Variants in NRXN3 observed in about 807,000 individuals in gnomAD.
NRXN3 encodes neurexin 3, also known as neurexin III.
A neutral mutation model predicts 137.6 loss-of-function variants in NRXN3; 32 were observed. The ratio of observed to expected loss-of-function variants is 0.23; its 90% CI spans 0.18 to 0.31. The LOEUF is 0.31. NRXN3 is among the 10% of genes least tolerant of loss of function. NRXN3 has a pLI of 1.00. For missense variants in NRXN3, 1,574 were observed against 2,062.5 expected, an observed-to-expected ratio of 0.76 and a Z score of 4.59; for synonymous variants, 798 against 784.5, an observed-to-expected ratio of 1.02 and a Z score of -0.29.
At chr14:79,656,569 G>T (rs1895354914) in intron 16 of NRXN3, among the ~76,000 whole-genome samples, 2 of 151,062 alleles carry the variant, frequency 1.3e-5, no homozygotes, top group Non-Finnish European at 2.9e-5. Context: ...GCCTTTTCAG[G>T]TCATGGTTCC....
chr14:78,828,932 C>T (rs1274958861), intron 10 of NRXN3, among the ~76,000 whole-genome samples: 39 of 152,118 alleles, frequency 2.6e-4, no homozygotes, highest in Admixed American at 2.4e-3. Flanking sequence ...TTAGATAAAA[C>T]TGCCCTGGAA....
At position 78,243,849 on chromosome 14, in the gene NRXN3, T is replaced by G; in HGVS notation, c.709+47T>G. 7.0e-7 allele frequency: 1 copy of G among 1,424,186 alleles called. No individual in the cohort carries two copies. The allele number at this position is 1,424,186 out of a possible 1,614,324, so 88.2% of individuals were successfully genotyped here. A position where few individuals can be genotyped will look rare whatever the true frequency, so the allele number is the denominator to read the frequency against. On this transcript the variant is annotated intron_variant, in intron 2 of 20. Coordinates refer to ENST00000335750, the MANE Select transcript of NRXN3 (RefSeq NM_001330195.2). The surrounding 1 kb of genome is among the most constrained non-coding windows in gnomAD (Gnocchi z 4.2). The stretch of plus-strand genomic sequence containing the variant: ...GCTAGAGACCCACCCACGGGATGGC[T>G]GAGGCTGGGGCTCCTGATACAAACC...
chr14:78,715,307 G>A (rs2098426245), intron 8 of NRXN3, among the ~76,000 whole-genome samples, 168 bp downstream of exon 8: 1 of 152,144 alleles, frequency 6.6e-6, no homozygotes, highest in South Asian at 2.1e-4. Context: ...GAATGCTTGG[G>A]TTTGTTTGGC....
At chr14:78,931,555 A>T (rs547316848) in intron 10 of NRXN3, among the ~76,000 whole-genome samples, 1 of 152,266 alleles carries the variant, frequency 6.6e-6, no homozygotes, top group East Asian at 1.9e-4. Flanking sequence ...TGCCATGGGT[A>T]TTAATAGTCC....
intron 8 of NRXN3, among the ~76,000 whole-genome samples, chr14:78,726,100 A>T (rs1024559970): frequency 6.6e-6 from 1 of 152,180 alleles, no homozygotes; most frequent in Non-Finnish European, 1.5e-5. Context: ...TGAAGCAGCC[A>T]TTCCATTTTT....
chr14:79,194,575 AT>A (rs2064882365), intron 15 of NRXN3, among the ~76,000 whole-genome samples: 1 of 152,220 alleles, frequency 6.6e-6, no homozygotes, highest in African/African-American at 2.4e-5. Flanking sequence ...CCTTCAGAGG[AT>A]TCCCCCAGAA....
chr14:78,434,779 T>C (rs917905), intron 4 of NRXN3, among the ~76,000 whole-genome samples: 2,738 of 152,208 alleles, frequency 0.018, 46 homozygotes, highest in Non-Finnish European at 0.027. Context: ...GTGAAGGCCA[T>C]GATCAATGGG....
In NRXN3 at chr14:79,111,728, T is replaced by A. The variant is rs1425237272; in HGVS notation, c.3262+123587T>A. 2.9e-5 allele frequency among the ~76,000 whole-genome samples: 4 copies of A among 138,596 alleles called. No individual in the cohort carries two copies. In the South Asian group the frequency reaches 8.8e-4, roughly 30 times the overall value. The allele number at this position is 138,596 out of a possible 152,430, so 90.9% of individuals were successfully genotyped here. ...ACTCCAGCCTGGGTGATAGAGAGAC[T>A]CCATCTCAAAAAAAAAAAAAAAAGT... On this transcript the variant is annotated intron_variant, in intron 15 of 20. Coordinates refer to ENST00000335750, the MANE Select transcript of NRXN3 (RefSeq NM_001330195.2).
intron 15 of NRXN3, among the ~76,000 whole-genome samples, chr14:79,226,551 C>T (rs2070896664): frequency 6.6e-6 from 1 of 152,090 alleles, no homozygotes; most frequent in African/African-American, 2.4e-5. Flanking sequence ...TGCCTAATTC[C>T]ATCCACTTAT....
intron 11 of NRXN3, among the ~76,000 whole-genome samples, chr14:78,963,770 T>G (rs17758014): frequency 0.075 from 11,410 of 152,216 alleles, 659 homozygotes; most frequent in Admixed American, 0.1. Flanking sequence ...ATTTTTGTGC[T>G]TATAGGGAAT....
intron 4 of NRXN3, among the ~76,000 whole-genome samples, chr14:78,480,986 T>C (rs192890142): frequency 1.3e-5 from 2 of 152,314 alleles, no homozygotes; most frequent in East Asian, 3.9e-4. Flanking sequence ...TCTGTGGCCA[T>C]TTCAGTGGGC....
chr14:79,149,326 A>ATTTT (rs556091046), intron 15 of NRXN3, among the ~76,000 whole-genome samples: 2 of 144,256 alleles, frequency 1.4e-5, no homozygotes, highest in African/African-American at 5.0e-5. Flanking sequence ...GGATAGGGGG[A>ATTTT]TTTTTTTTTT....
At chr14:78,958,155 T>C (rs1443607935) in intron 11 of NRXN3, among the ~76,000 whole-genome samples, 1 of 152,134 alleles carries the variant, frequency 6.6e-6, no homozygotes, top group Middle Eastern at 3.4e-3. Context: ...AAATATATAA[T>C]GAGATTCTAA....
intron 15 of NRXN3, among the ~76,000 whole-genome samples, chr14:79,155,097 T>C (rs1372680085): frequency 6.6e-6 from 1 of 151,934 alleles, no homozygotes; most frequent in Non-Finnish European, 1.5e-5. Context: ...CGTGGAAAAT[T>C]GGTGTCACAT....
At chr14:78,666,540 C>T (rs549986557) in intron 6 of NRXN3, among the ~76,000 whole-genome samples, 1 of 152,272 alleles carries the variant, frequency 6.6e-6, no homozygotes, top group African/African-American at 2.4e-5. Flanking sequence ...CTGTCATTAC[C>T]TATTCACTCG....
intron 15 of NRXN3, among the ~76,000 whole-genome samples, chr14:79,451,539 A>G (rs1477360555): frequency 1.3e-5 from 2 of 152,234 alleles, no homozygotes; most frequent in African/African-American, 4.8e-5. Flanking sequence ...GTTACCAGTA[A>G]GAGGATCCCT....
At chr14:78,227,345 G>A (rs985796124) in intron 1 of NRXN3, among the ~76,000 whole-genome samples, 1 of 150,786 alleles carries the variant, frequency 6.6e-6, no homozygotes, top group South Asian at 2.1e-4. Context: ...GTAGATGGGA[G>A]TTGAAAAAAA....
chr14:78,934,540 C>G (rs528732532), intron 10 of NRXN3, among the ~76,000 whole-genome samples: 1 of 152,302 alleles, frequency 6.6e-6, no homozygotes, highest in African/African-American at 2.4e-5. Context: ...GCAGCTCCAA[C>G]TCTCCTACCG....
intron 15 of NRXN3, among the ~76,000 whole-genome samples, chr14:79,273,592 C>T (rs1450277367): frequency 6.6e-6 from 1 of 152,106 alleles, no homozygotes; most frequent in Non-Finnish European, 1.5e-5. Flanking sequence ...CAAGATCGCG[C>T]CACTGCACTC....
Sources: allele counts gnomAD v4.1 joint callset (sites outside exome capture counted in the v4.1 genomes callset), GRCh38; gene constraint gnomAD v4.1.1; non-coding constraint Gnocchi (gnomAD v3.1); transcripts MANE v1.5; gene names NCBI Gene and HGNC (gene_info 2026-07-23, HGNC 2026-07-21).